DHX57: variants seen among roughly 807,000 people sequenced by gnomAD.
DHX57 encodes DExH-box helicase 57.
Under a neutral mutation model 156.2 loss-of-function variants are expected in DHX57, and 105 were observed. The ratio of observed to expected loss-of-function variants is 0.67; its 90% CI spans 0.57 to 0.79. The LOEUF (loss-of-function observed/expected upper bound fraction) is 0.79, where lower values mean the gene tolerates loss of function less well. DHX57 is among the 30% of genes least tolerant of loss of function. The pLI is 0.00. For missense variants in DHX57, 1,847 were observed against 1,661.9 expected (o/e 1.11, Z -1.94); for synonymous variants, 704 against 595.6 (o/e 1.18, Z -2.65).
In DHX57 at chr2:38,799,642, C is replaced by T. The variant is rs534276955; in HGVS notation, c.4018-1200G>A. ...GCACATGCCTGTAATCCCAGCTACT[C>T]GGGAGGCTGAGGCAGGAGAATTGCT... On this transcript the variant is annotated intron_variant, in intron 23 of 23. Transcript: ENST00000457308. 8.5e-4 allele frequency among the ~76,000 whole-genome samples: 120 copies of T among 141,434 alleles called. 1 individual carries two copies. The highest frequency in any genetic ancestry group is 3.0e-3 in the African/African-American group (114 of 38,198). 92.8% of individuals were successfully genotyped at this position (141,434 alleles called of 152,430 possible).
At chr2:38,837,434 A>C (rs756008687) in intron 13 of DHX57, among the ~76,000 whole-genome samples, 2 of 151,792 alleles carry the variant, frequency 1.3e-5, no homozygotes, top group Non-Finnish European at 2.9e-5. Context: ...AACAGGGAGA[A>C]AACCTGTCTC....
At chr2:38,825,554 CA>C (rs1671045505) in intron 16 of DHX57, among the ~76,000 whole-genome samples, 1 of 152,164 alleles carries the variant, frequency 6.6e-6, no homozygotes, top group Non-Finnish European at 1.5e-5. Context: ...CCACCTGCCT[CA>C]GTCTCCCAAA....
chr2:38,818,822 C>G, intron 19 of DHX57, 55 bp downstream of exon 19: 1 of 1,585,144 alleles, frequency 6.3e-7, no homozygotes, highest in East Asian at 2.2e-5. Flanking sequence ...TCGCAGCACC[C>G]TCTGGTGAGC....
intron 21 of DHX57, among the ~76,000 whole-genome samples, chr2:38,808,655 A>G (rs1236578224): frequency 6.6e-6 from 1 of 152,222 alleles, no homozygotes; most frequent in African/African-American, 2.4e-5. Context: ...CCTAGGAATA[A>G]AACTGCTATC....
rs114608181 is a variant in DHX57 at position 38,847,181 on chromosome 2, A to G, written c.2165-108T>C. 137 of 879,668 alleles carry G rather than the reference A, an allele frequency of 1.6e-4. No individual in the cohort carries two copies. The African/African-American group carries it at 1.9e-3, about 12-fold the overall frequency. 54.5% of individuals were successfully genotyped at this position (879,668 alleles called of 1,614,324 possible). On this transcript the variant is annotated intron_variant, in intron 10 of 23. Coordinates refer to ENST00000457308, the MANE Select transcript of DHX57 (RefSeq NM_198963.3). ...TTAAAGCTTGTCATGCTAACGTCCTATTTGTTCTGTGGTCTTAAAAGTATC... is the reference window on the plus strand; with the variant it reads ...TTAAAGCTTGTCATGCTAACGTCCTGTTTGTTCTGTGGTCTTAAAAGTATC...
At chr2:38,816,064 C>T in intron 19 of DHX57, 1 of 462,946 alleles carries the variant, frequency 2.2e-6, no homozygotes, top group South Asian at 1.6e-5. Context: ...TTCCTACTTG[C>T]ATTTTTGCTC....
intron 13 of DHX57, among the ~76,000 whole-genome samples, chr2:38,834,700 A>C (rs1671563863): frequency 6.6e-6 from 1 of 152,182 alleles, no homozygotes; most frequent in Non-Finnish European, 1.5e-5. Context: ...TCATGACATC[A>C]CAAGCAAAAG....
intron 13 of DHX57, among the ~76,000 whole-genome samples, chr2:38,835,224 G>T (rs1267553933): frequency 6.6e-6 from 1 of 152,152 alleles, no homozygotes; most frequent in African/African-American, 2.4e-5. Context: ...ATGCCACAAA[G>T]GACATTTATT....
chr2:38,873,016 CT>C (rs1438783464), intron 1 of DHX57, among the ~76,000 whole-genome samples: 1 of 151,674 alleles, frequency 6.6e-6, no homozygotes, highest in African/African-American at 2.4e-5. Context: ...AAGACAGAGT[CT>C]TGCTCTGTCG....
chr2:38,798,848 C>A (rs1669525020), intron 23 of DHX57, among the ~76,000 whole-genome samples: 1 of 152,078 alleles, frequency 6.6e-6, no homozygotes, highest in Non-Finnish European at 1.5e-5. Context: ...GAGGCTGAGG[C>A]AGGAGAATGG....
At chr2:38,798,975 G>A (rs1317103326) in intron 23 of DHX57, among the ~76,000 whole-genome samples, 3 of 151,998 alleles carry the variant, frequency 2.0e-5, no homozygotes, top group Non-Finnish European at 4.4e-5. Flanking sequence ...GATTCAGTCT[G>A]GAAGTATGGC....
chr2:38,846,926 T>C, intron 11 of DHX57, 93 bp downstream of exon 11: 1 of 1,033,288 alleles, frequency 9.7e-7, no homozygotes, highest in South Asian at 1.5e-5. Flanking sequence ...CCCCAAAAGA[T>C]CCTCCCACCT....
At chr2:38,802,444 T>C (rs1044680697) in intron 23 of DHX57, among the ~76,000 whole-genome samples, 3 of 152,046 alleles carry the variant, frequency 2.0e-5, no homozygotes, top group Admixed American at 6.6e-5. Context: ...CCCACCAACA[T>C]GCCCAGCTAA....
At chr2:38,823,508 C>A (rs1231396210) in intron 16 of DHX57, among the ~76,000 whole-genome samples, 2 of 152,090 alleles carry the variant, frequency 1.3e-5, no homozygotes, top group Non-Finnish European at 2.9e-5. Context: ...ACAGTGGGAT[C>A]AAATTATGAA....
chr2:38,847,433 G>A (rs555095358), intron 10 of DHX57, among the ~76,000 whole-genome samples: 1 of 152,188 alleles, frequency 6.6e-6, no homozygotes, highest in South Asian at 2.1e-4. Context: ...TAGATTTACT[G>A]CCAGCATTCC....
chr2:38,855,094 A>T lies in DHX57; in HGVS notation c.1868T>A (p.Leu623Gln). The change falls in exon 8 of 24, where the codon CTG becomes CAG. Residue 623 changes from leucine to glutamine, a missense_variant. By Grantham distance (113) the Leu-to-Gln change is moderately radical. Coordinates refer to ENST00000457308, the MANE Select transcript of DHX57 (RefSeq NM_198963.3). ...VAKERAERVG[L>Q]TVGYQIRLES... Reference sequence around the variant, plus strand: ...TAACCGAATCTGGTATCCCACGGTCAGACCCACCCTCTCTGCTCTTTCTTT... The same window carrying T: ...TAACCGAATCTGGTATCCCACGGTCTGACCCACCCTCTCTGCTCTTTCTTT... 1 of 1,614,202 alleles carries T rather than the reference A, an allele frequency of 6.2e-7. No homozygotes were observed. The highest frequency in any genetic ancestry group is 8.5e-7 in the Non-Finnish European group (1 of 1,180,042).
chr2:38,815,068 A>T (rs1670455597), intron 20 of DHX57, among the ~76,000 whole-genome samples: 1 of 143,300 alleles, frequency 7.0e-6, no homozygotes, highest in Non-Finnish European at 1.6e-5. Flanking sequence ...AAATTTTTTT[A>T]TACTTTTTTT....
chr2:38,861,854 A>G lies in DHX57; in HGVS notation c.573-17T>C, dbSNP rs375725322. 4 of 1,552,844 alleles carry G rather than the reference A, an allele frequency of 2.6e-6. No homozygotes were observed. The South Asian group carries it at 3.7e-5, about 14-fold the overall frequency. On this transcript the variant is annotated splice_polypyrimidine_tract_variant and intron_variant, in intron 4 of 23. Coordinates refer to ENST00000457308, the MANE Select transcript of DHX57 (RefSeq NM_198963.3). The stretch of plus-strand genomic sequence containing the variant: ...AAACCATACCTGTCAAGGGCAAAAC[A>G]TGACAAAAATGACACATAAAAAGCA...
At chr2:38,833,133 T>C (rs1409864452) in intron 13 of DHX57, among the ~76,000 whole-genome samples, 1 of 151,952 alleles carries the variant, frequency 6.6e-6, no homozygotes, top group Non-Finnish European at 1.5e-5. Context: ...AGTGCTACAA[T>C]GAAAATGAAT....
Sources: allele counts gnomAD v4.1 joint callset (sites outside exome capture counted in the v4.1 genomes callset), GRCh38; gene constraint gnomAD v4.1.1; transcripts MANE v1.5; gene names NCBI Gene and HGNC (gene_info 2026-07-23, HGNC 2026-07-21).